The following KANK1 variants were observed in gnomAD, a reference collection of about 807,000 sequenced individuals.
The protein encoded by KANK1 is KN motif and ankyrin repeat domains 1, also known as KN motif and ankyrin repeat domain-containing protein 1.
In KANK1, 109 loss-of-function variants were observed where a neutral mutation model predicts 106.2. That is an observed-to-expected ratio of 1.03 (90% CI 0.88 to 1.20). The LOEUF (loss-of-function observed/expected upper bound fraction) is 1.20, where lower values mean the gene tolerates loss of function less well. Ranked by LOEUF, KANK1 falls within the 50% of genes most tolerant of loss-of-function variation. The probability of loss-of-function intolerance (pLI) is 0.00; values close to 1 mark genes in which losing one functional copy is unlikely to be tolerated. For missense variants in KANK1, 2,399 were observed against 1,710.7 expected, an observed-to-expected ratio of 1.40 and a Z score of -7.10; for synonymous variants, 873 against 652.2, an observed-to-expected ratio of 1.34 and a Z score of -5.16.
chr9:740,993 G>C (rs909374439), intron 9 of KANK1, 59 bp downstream of exon 9: 28 of 1,589,600 alleles, frequency 1.8e-5, no homozygotes, highest in Middle Eastern at 1.7e-4. Context: ...ACAGGACTGC[G>C]GTGGCCATTC....
chr9:585,310 C>G (rs1306373952), intron 1 of KANK1, among the ~76,000 whole-genome samples: 2 of 152,194 alleles, frequency 1.3e-5, no homozygotes, highest in African/African-American at 2.4e-5. Flanking sequence ...ATGGTACTTG[C>G]AATTAGAACA....
At chr9:735,776 A>G (rs958684888) in intron 7 of KANK1, 6 of 430,272 alleles carry the variant, frequency 1.4e-5, no homozygotes, top group Admixed American at 7.2e-5. Context: ...GGTGGATCAC[A>G]TGAGGTCTGG....
chr9:700,355 C>G (rs1822353580), intron 2 of KANK1, among the ~76,000 whole-genome samples: 1 of 152,196 alleles, frequency 6.6e-6, no homozygotes, highest in Admixed American at 6.5e-5. Context: ...TCTCAAAGAG[C>G]TTAGTGCTAA....
upstream of KANK1, among the ~76,000 whole-genome samples, chr9:502,498 G>C (rs114620920): frequency 2.0e-5 from 3 of 151,594 alleles, no homozygotes; most frequent in East Asian, 5.8e-4. Flanking sequence ...AAGGAGAGGT[G>C]AAGGCTGGGA....
chr9:640,512 C>G (rs941580528), intron 1 of KANK1, among the ~76,000 whole-genome samples: 6 of 151,898 alleles, frequency 4.0e-5, no homozygotes, highest in African/African-American at 7.3e-5. Context: ...ATTCTTCCAC[C>G]TCAGCCTCCT....
chr9:536,659 C>G (rs868861007), intron 1 of KANK1, among the ~76,000 whole-genome samples: 1 of 151,462 alleles, frequency 6.6e-6, no homozygotes, highest in Non-Finnish European at 1.5e-5. Flanking sequence ...TAAAAAGACT[C>G]ATTAGATTGG....
chr9:546,446 C>A (rs2060932506), intron 1 of KANK1, among the ~76,000 whole-genome samples: 1 of 151,984 alleles, frequency 6.6e-6, no homozygotes, highest in South Asian at 2.1e-4. Context: ...GTGTCTGTGA[C>A]CCTTTCAGGC....
chr9:583,906 A>C (rs552531134), intron 1 of KANK1, among the ~76,000 whole-genome samples: 2 of 152,114 alleles, frequency 1.3e-5, no homozygotes, highest in East Asian at 1.9e-4. Flanking sequence ...AATTAAATCT[A>C]TACAATACAA....
intron 1 of KANK1, among the ~76,000 whole-genome samples, chr9:610,090 G>T (rs561896890): frequency 6.6e-6 from 1 of 152,000 alleles, no homozygotes; most frequent in Non-Finnish European, 1.5e-5. Flanking sequence ...AATTTAGATC[G>T]TGTCTAATTC....
chr9:662,157 C>G (rs185581975), intron 1 of KANK1, among the ~76,000 whole-genome samples: 50 of 152,194 alleles, frequency 3.3e-4, no homozygotes, highest in Middle Eastern at 3.4e-3. Context: ...GTACAAACCA[C>G]TGCTCAACAA....
chr9:745,269 T>A lies in KANK1; in HGVS notation c.*34T>A. ...AAATAGCCCTTTATTTACATGCCACTATTAAGCTGCTAATTGTTCCTGTTG... is the reference window on the plus strand; with the variant it reads ...AAATAGCCCTTTATTTACATGCCACAATTAAGCTGCTAATTGTTCCTGTTG... On this transcript the variant is annotated 3_prime_UTR_variant, in exon 12 of 12. Coordinates refer to ENST00000382297, the MANE Select transcript of KANK1 (RefSeq NM_015158.5). 7 of 1,612,830 alleles carry A rather than the reference T, an allele frequency of 4.3e-6. No individual in the cohort carries two copies. The highest frequency in any genetic ancestry group is 5.9e-6 in the Non-Finnish European group (7 of 1,178,850).
intron 1 of KANK1, among the ~76,000 whole-genome samples, chr9:615,554 A>C (rs1286295804): frequency 6.6e-6 from 1 of 152,154 alleles, no homozygotes; most frequent in African/African-American, 2.4e-5. Flanking sequence ...CAAGGGCTGG[A>C]ATTTGATTCC....
intron 1 of KANK1, among the ~76,000 whole-genome samples, chr9:606,642 CAT>C (rs150062985): frequency 0.011 from 721 of 66,348 alleles, 14 homozygotes; most frequent in African/African-American, 0.018. Flanking sequence ...ATATATATTA[CAT>C]ATATATATAT....
intron 1 of KANK1, among the ~76,000 whole-genome samples, chr9:541,996 G>A (rs2133856065): frequency 6.6e-6 from 1 of 151,740 alleles, no homozygotes; most frequent in East Asian, 1.9e-4. Flanking sequence ...GGCTGAGGCA[G>A]GAGAATGGCG....
At chr9:660,744 A>C (rs2138055374) in intron 1 of KANK1, among the ~76,000 whole-genome samples, 1 of 152,308 alleles carries the variant, frequency 6.6e-6, no homozygotes, top group South Asian at 2.1e-4. Context: ...TAAGGCAGCA[A>C]CAGCAACTCT....
chr9:561,795 G>A (rs1035801767), intron 1 of KANK1, among the ~76,000 whole-genome samples: 2 of 152,156 alleles, frequency 1.3e-5, no homozygotes, highest in Non-Finnish European at 2.9e-5. Flanking sequence ...TCACATTTCA[G>A]TCTTACTATG....
intron 1 of KANK1, among the ~76,000 whole-genome samples, chr9:633,382 C>T (rs1343693933): frequency 2.0e-5 from 3 of 152,028 alleles, no homozygotes; most frequent in African/African-American, 4.8e-5. Context: ...GGCGTGAACC[C>T]GGGAGGCGGA....
chr9:536,869 G>A (rs1402328564), intron 1 of KANK1, among the ~76,000 whole-genome samples: 1 of 152,188 alleles, frequency 6.6e-6, no homozygotes, highest in Admixed American at 6.5e-5. Context: ...TTAGTTCGCA[G>A]TCGGCACCCC....
At chr9:720,663 T>C (rs917995934) in intron 3 of KANK1, among the ~76,000 whole-genome samples, 8 of 152,230 alleles carry the variant, frequency 5.3e-5, no homozygotes, top group African/African-American at 1.7e-4. Flanking sequence ...GCCTGTTTTT[T>C]GTTTTTCCTC....
Sources: gnomAD v4.1 joint callset for allele counts (sites outside exome capture counted in the v4.1 genomes callset) on GRCh38, gnomAD v4.1.1 for gene constraint, MANE v1.5 for transcripts, NCBI Gene and HGNC (gene_info 2026-07-23, HGNC 2026-07-21) for gene names.